Variants in FREM1 observed in about 807,000 individuals in gnomAD.
FREM1 encodes FRAS1-related extracellular matrix protein 1.
FREM1 carries 220 observed loss-of-function variants against 210.1 expected under a neutral mutation model. That is an observed-to-expected ratio of 1.05 (90% CI 0.94 to 1.17). The LOEUF is 1.17. Among genes scored for constraint, FREM1 ranks in the 50% most tolerant of loss-of-function variants. The pLI, the probability that FREM1 is intolerant of heterozygous loss-of-function variation, is 0.00. For missense variants in FREM1, 3,454 were observed against 2,675.5 expected (o/e 1.29, Z -6.42); for synonymous variants, 1,189 against 980.2 (o/e 1.21, Z -3.98).
chr9:14,876,341 C>T (rs1333379305), intron 1 of FREM1, among the ~76,000 whole-genome samples: 1 of 152,184 alleles, frequency 6.6e-6, no homozygotes. Flanking sequence ...GCAGTTCGAG[C>T]TTCCTGGCTG....
rs1179821668 is a variant in FREM1, at chr9:14,851,355, T to C, written c.1081A>G (p.Lys361Glu). The C allele has an allele frequency of 1.2e-6, 2 of 1,613,482 alleles. No individual in the cohort carries two copies. The highest frequency in any genetic ancestry group is 8.5e-7 in the Non-Finnish European group (1 of 1,179,526). Residue 361 changes from lysine (K) to glutamate (E), a missense_variant, in exon 6 of 37, where the codon AAA becomes GAA. Physicochemically the swap from Lys to Glu is moderately conservative, Grantham distance 56 (BLOSUM62 1). Transcript: ENST00000380880. ...GCGATCTGCATGTCACTGAGATCTTTCCAGGTGAATGAGGAGATTGGTCTG... is the reference window on the plus strand; with the variant it reads ...GCGATCTGCATGTCACTGAGATCTTCCCAGGTGAATGAGGAGATTGGTCTG... ...HTRPISSFTWKDLSDMQIAYQ... is the reference protein window; with the variant it reads ...HTRPISSFTWEDLSDMQIAYQ...
At chr9:14,846,130 C>G in intron 7 of FREM1, 39 bp from the exon 8 acceptor site, 2 of 1,505,476 alleles carry the variant, frequency 1.3e-6, no homozygotes, top group Admixed American at 2.0e-5. Context: ...GTATCATAGA[C>G]TGGATAAAGA....
intron 35 of FREM1, among the ~76,000 whole-genome samples, chr9:14,746,114 G>A (rs1040080013): frequency 5.9e-5 from 9 of 152,050 alleles, no homozygotes; most frequent in African/African-American, 2.2e-4. Context: ...CAAATATTAG[G>A]TTGGTGCAAA....
intron 21 of FREM1, 120 bp downstream of exon 21, chr9:14,797,378 C>A (rs549846993): frequency 3.6e-5 from 25 of 687,860 alleles, no homozygotes; most frequent in Non-Finnish European, 5.3e-5. Flanking sequence ...CAGGGGCAAG[C>A]TGTGACAGGA....
intron 1 of FREM1, among the ~76,000 whole-genome samples, chr9:14,903,964 A>G (rs953420944): frequency 1.4e-4 from 21 of 152,042 alleles, no homozygotes; most frequent in African/African-American, 5.1e-4. Flanking sequence ...TACTAAAAAT[A>G]CAAAAAAATT....
intron 1 of FREM1, among the ~76,000 whole-genome samples, chr9:14,892,867 T>C (rs113464251): frequency 2.1e-3 from 318 of 152,296 alleles, no homozygotes; most frequent in African/African-American, 7.3e-3. Flanking sequence ...CCGTCTTTAC[T>C]ATTACTCAGG....
intron 4 of FREM1, among the ~76,000 whole-genome samples, chr9:14,858,505 C>CTT (rs35912803): frequency 2.9e-5 from 4 of 138,414 alleles, no homozygotes; most frequent in Non-Finnish European, 3.1e-5. Flanking sequence ...CAGCCACCCA[C>CTT]TTTTTTTTTT....
chr9:14,794,840 A>C (rs1331120396), intron 21 of FREM1, among the ~76,000 whole-genome samples: 5 of 152,008 alleles, frequency 3.3e-5, no homozygotes, highest in Non-Finnish European at 5.9e-5. Flanking sequence ...TCTACCAAAA[A>C]TACAAAAATT....
chr9:14,803,190 TCCTC>T (rs1356306091), intron 19 of FREM1, among the ~76,000 whole-genome samples: 2 of 136,096 alleles, frequency 1.5e-5, no homozygotes, highest in Non-Finnish European at 3.2e-5. Flanking sequence ...CTCCTTCCCT[TCCTC>T]CCTCCCTCTT....
intron 1 of FREM1, among the ~76,000 whole-genome samples, chr9:14,870,743 T>C (rs948666846): frequency 1.3e-5 from 2 of 151,682 alleles, no homozygotes; most frequent in Non-Finnish European, 2.9e-5. Context: ...CATGCTGGTG[T>C]GCTGCACCCA....
intron 2 of FREM1, among the ~76,000 whole-genome samples, chr9:14,868,226 C>A (rs1008065308): frequency 1.3e-5 from 2 of 152,150 alleles, no homozygotes; most frequent in African/African-American, 4.8e-5. Context: ...TTATCCAAAG[C>A]CACTCTGACT....
At chr9:14,777,495 A>G (rs1194174055) in intron 24 of FREM1, among the ~76,000 whole-genome samples, 2 of 152,214 alleles carry the variant, frequency 1.3e-5, no homozygotes, top group African/African-American at 4.8e-5. Flanking sequence ...TCCATGTACC[A>G]TAGTTGCTGG....
intron 25 of FREM1, among the ~76,000 whole-genome samples, chr9:14,774,511 ATCTCTCTCTCTCTCTCTCTCTC>A (rs36211636): frequency 0.21 from 29,280 of 136,342 alleles, 3,578 homozygotes; most frequent in Middle Eastern, 0.33. Context: ...CCTAAAATAA[ATCTCTCTCTCTCTCTCTCTCTC>A]TCTCTCTCTC....
At chr9:14,758,241 A>C (rs1231181942) in intron 28 of FREM1, among the ~76,000 whole-genome samples, 1 of 152,232 alleles carries the variant, frequency 6.6e-6, no homozygotes, top group Non-Finnish European at 1.5e-5. Context: ...CTGCACACTC[A>C]GCTGGCACGT....
intron 1 of FREM1, among the ~76,000 whole-genome samples, chr9:14,871,641 A>G (rs1832701827): frequency 6.6e-6 from 1 of 152,158 alleles, no homozygotes; most frequent in African/African-American, 2.4e-5. Context: ...TTTGCTGTGC[A>G]GAAGCTCTTT....
At chr9:14,843,755 T>A (rs1269724050) in intron 8 of FREM1, among the ~76,000 whole-genome samples, 1 of 150,568 alleles carries the variant, frequency 6.6e-6, no homozygotes, top group African/African-American at 2.4e-5. Flanking sequence ...TCTGGAAAGT[T>A]TTAGAAATGC....
chr9:14,857,572 C>A lies in FREM1; in HGVS notation c.809G>T (p.Arg270Met), dbSNP rs1829015076. Residue 270 changes from arginine to methionine, a missense_variant, in exon 5 of 37, where the codon AGG (arginine) becomes ATG (methionine). Arg to Met is a moderately conservative substitution (Grantham distance 91). Transcript: ENST00000380880. The part of the protein sequence containing the change: ...ISIQLDLTDT[R>M]SKIVYKSESA... ...CTCTACCTTGTACACAATTTTGCTC[C>A]TGGTATCTGTGAGGTCCAGTTGGAT... The A allele has an allele frequency of 1.2e-6, 2 of 1,613,442 alleles. No homozygotes were observed. Among genetic ancestry groups the A allele is most frequent in the African/African-American group, 2.7e-5 (2 of 74,880 alleles).
rs150403611 is a variant in FREM1 at position 14,759,862 on chromosome 9, G to C, written c.5244C>G (p.Thr1748=). The C allele has an allele frequency of 1.2e-6, 2 of 1,610,212 alleles. No individual in the cohort carries two copies. The highest frequency in any genetic ancestry group is 1.7e-6 in the Non-Finnish European group (2 of 1,176,966). The change falls in exon 28 of 37, where the codon ACC becomes ACG. Residue 1748 remains threonine (T), a synonymous_variant. Transcript: ENST00000380880. The part of the protein sequence containing the change: ...LKWSHIEWSQ[T]EYEVCENVGL... ...CCACATTCTCACAGACTTCATATTC[G>C]GTCTGTGACCATTCAATATGAGACC...
intron 1 of FREM1, among the ~76,000 whole-genome samples, chr9:14,891,503 G>A (rs77986568): frequency 0.01 from 1,593 of 152,314 alleles, 9 homozygotes; most frequent in Non-Finnish European, 0.017. Context: ...GAGGCAGGAG[G>A]ATTGCTTGAG....
Sources: allele counts gnomAD v4.1 joint callset (sites outside exome capture counted in the v4.1 genomes callset), GRCh38; gene constraint gnomAD v4.1.1; transcripts MANE v1.5; gene names NCBI Gene and HGNC (gene_info 2026-07-23, HGNC 2026-07-21).